RUNX2: variants seen among roughly 807,000 people sequenced by gnomAD.
RUNX2 encodes the protein runt-related transcription factor 2.
Under a neutral mutation model 51.7 loss-of-function variants are expected in RUNX2, and 10 were observed. The observed-to-expected ratio is 0.19, with a 90% CI of 0.12 to 0.33. The LOEUF (loss-of-function observed/expected upper bound fraction) is 0.33, where lower values mean the gene tolerates loss of function less well. Among genes scored for constraint, RUNX2 ranks in the 10% least tolerant of loss-of-function variants. RUNX2 has a pLI of 1.00. For synonymous variants in RUNX2, 276 were observed against 273.6 expected, an observed-to-expected ratio of 1.01 and a Z score of -0.09; for missense variants, 562 against 691.3, an observed-to-expected ratio of 0.81 and a Z score of 2.10.
chr6:45,497,145 A>T (rs1422384805), intron 6 of RUNX2, among the ~76,000 whole-genome samples: 1 of 152,180 alleles, frequency 6.6e-6, no homozygotes, highest in Non-Finnish European at 1.5e-5. Flanking sequence ...CTTTGCAGAC[A>T]CCCAAGGGGC....
chr6:45,487,967 T>C (rs1800333222), intron 5 of RUNX2, among the ~76,000 whole-genome samples: 1 of 152,140 alleles, frequency 6.6e-6, no homozygotes, highest in African/African-American at 2.4e-5. Flanking sequence ...AGGCCTCTCA[T>C]AGGAGGTGGT....
intron 2 of RUNX2, among the ~76,000 whole-genome samples, chr6:45,355,096 T>C (rs1370945320): frequency 6.7e-6 from 1 of 149,830 alleles, no homozygotes; most frequent in Non-Finnish European, 1.5e-5. Context: ...CACCTCAGCC[T>C]CCCAAGCATC....
At chr6:45,460,390 C>G (rs1446386774) in intron 5 of RUNX2, among the ~76,000 whole-genome samples, 1 of 152,092 alleles carries the variant, frequency 6.6e-6, no homozygotes, top group East Asian at 1.9e-4. Context: ...GTGTGGAAGG[C>G]ATTGATGATC....
In RUNX2 at chr6:45,546,864, G is replaced by T. The variant is rs1802414888; in HGVS notation, c.1125G>T (p.Gln375His). The change falls in exon 9 of 9, where the codon CAG becomes CAT. Residue 375 changes from glutamine (Q) to histidine (H), a missense_variant. Gln to His is a conservative substitution (Grantham distance 24). Transcript: ENST00000647337. ...SELGPFSDPR[Q>H]FPSISSLTES... ...TGGGCCCTTTTTCAGACCCCAGGCA[G>T]TTCCCAAGCATTTCATCCCTCACTG... is the stretch of plus-strand genomic sequence containing the variant. The T allele has an allele frequency of 6.2e-7, 1 of 1,613,788 alleles. No individual in the cohort carries two copies. The highest frequency in any genetic ancestry group is 8.5e-7 in the Non-Finnish European group (1 of 1,179,992).
At chr6:45,514,839 A>G (rs1379142718) in intron 7 of RUNX2, among the ~76,000 whole-genome samples, 4 of 151,982 alleles carry the variant, frequency 2.6e-5, no homozygotes, top group Non-Finnish European at 4.4e-5. Flanking sequence ...GACAATTTAT[A>G]TCTTATGATT....
Position 45,422,632 on chromosome 6 carries a change from G to T in RUNX2, c.98G>T (p.Ser33Ile), listed in dbSNP as rs1798234750. ...CGGCGCTTCAGCCCCCCCTCCAGCA[G>T]CCTGCAGCCCGGCAAAATGAGCGAC... The part of the protein sequence containing the change: ...TSRRFSPPSS[S>I]LQPGKMSDVS... The change falls in exon 3 of 9, where the codon AGC becomes ATC. Residue 33 changes from serine to isoleucine, a missense_variant. Ser to Ile is a moderately radical substitution (Grantham distance 142, BLOSUM62 -2). Coordinates refer to ENST00000647337, the MANE Select transcript of RUNX2 (RefSeq NM_001024630.4). The T allele has an allele frequency of 1.2e-6, 2 of 1,606,184 alleles. No homozygotes were observed. Among genetic ancestry groups the T allele is most frequent in the South Asian group, 2.2e-5 (2 of 89,834 alleles).
At chr6:45,367,894 A>C (rs141217829) in intron 2 of RUNX2, among the ~76,000 whole-genome samples, 1 of 152,178 alleles carries the variant, frequency 6.6e-6, no homozygotes, top group Non-Finnish European at 1.5e-5. Flanking sequence ...TGATGAGCTG[A>C]TAGGTCATTA....
chr6:45,368,007 T>C (rs970803174), intron 2 of RUNX2, among the ~76,000 whole-genome samples: 4 of 152,204 alleles, frequency 2.6e-5, no homozygotes, highest in African/African-American at 7.2e-5. Flanking sequence ...ATCATTCCAA[T>C]GCTCTATTTC....
chr6:45,514,288 G>A (rs1489118792), intron 7 of RUNX2, among the ~76,000 whole-genome samples: 22 of 152,106 alleles, frequency 1.4e-4, no homozygotes, highest in Admixed American at 1.4e-3. Flanking sequence ...CATGTGTAAC[G>A]GAAAACAGCC....
intron 2 of RUNX2, among the ~76,000 whole-genome samples, chr6:45,402,028 T>C (rs746775104): frequency 6.6e-6 from 1 of 152,260 alleles, no homozygotes; most frequent in Non-Finnish European, 1.5e-5. Flanking sequence ...TATTATACTG[T>C]GAGTAATGGA....
At chr6:45,343,292 G>T (rs780380670) in intron 2 of RUNX2, among the ~76,000 whole-genome samples, 1 of 152,056 alleles carries the variant, frequency 6.6e-6, no homozygotes, top group Admixed American at 6.6e-5. Flanking sequence ...GGCAGACCAA[G>T]AAGATCAAGA....
intron 2 of RUNX2, among the ~76,000 whole-genome samples, chr6:45,409,428 C>A (rs188558708): frequency 2.0e-5 from 3 of 152,192 alleles, no homozygotes; most frequent in African/African-American, 7.2e-5. Context: ...TGGAGCTGTA[C>A]TCTTTTGCCT....
In RUNX2 at chr6:45,517,561, C is replaced by T. The variant is rs72864621; in HGVS notation, c.1021+5154C>T. Among the ~76,000 whole-genome samples the T allele has an allele frequency of 5.0e-3, 761 of 152,152 alleles. 4 individuals are homozygous for T. The highest frequency in any genetic ancestry group is 8.9e-3 in the Non-Finnish European group (606 of 67,996). On this transcript the variant is annotated intron_variant, in intron 7 of 8. Transcript: ENST00000647337. ...GTTGTTAACATAGGACAGAGTTAAT[C>T]TTTCTGTAAGGTTATTTTTTTCTTC...
intron 3 of RUNX2, among the ~76,000 whole-genome samples, chr6:45,428,938 G>A (rs1361886174): frequency 6.7e-6 from 1 of 149,294 alleles, no homozygotes; most frequent in Non-Finnish European, 1.5e-5. Flanking sequence ...CTCAGAACAT[G>A]AAGTGAGGAA....
At chr6:45,502,425 G>C (rs557227606) in intron 6 of RUNX2, among the ~76,000 whole-genome samples, 3 of 152,126 alleles carry the variant, frequency 2.0e-5, no homozygotes, top group African/African-American at 7.2e-5. Flanking sequence ...CACCTGGGGA[G>C]CTTGTTAAAC....
chr6:45,451,432 C>A (rs1799168478), intron 5 of RUNX2, among the ~76,000 whole-genome samples: 1 of 152,202 alleles, frequency 6.6e-6, no homozygotes, highest in Non-Finnish European at 1.5e-5. Flanking sequence ...GAGAAGCAAT[C>A]CCGAAGGTGA....
chr6:45,484,592 G>A (rs1800212608), intron 5 of RUNX2, among the ~76,000 whole-genome samples: 1 of 152,136 alleles, frequency 6.6e-6, no homozygotes, highest in African/African-American at 2.4e-5. Context: ...TAAAGTATGT[G>A]GATGAGAACT....
intron 2 of RUNX2, among the ~76,000 whole-genome samples, chr6:45,360,203 G>A (rs1401688535): frequency 1.3e-5 from 2 of 152,166 alleles, no homozygotes; most frequent in African/African-American, 4.8e-5. Context: ...AATATTTGGT[G>A]AGTTACTCAA....
In RUNX2 at chr6:45,453,769, TC is replaced by T. The variant is rs142304135; in HGVS notation, c.685+15722del. ...GTGCTTTGATCATGTCTCAGGAGAT[TC>T]CCCACATTGACTCTCTTTGGGTATT... On this transcript the variant is annotated intron_variant, in intron 5 of 8. Transcript: ENST00000647337. Among the ~76,000 whole-genome samples, 962 of 152,224 alleles carry T rather than the reference TC, an allele frequency of 6.3e-3. 9 individuals carry two copies. The highest frequency in any genetic ancestry group is 0.022 in the African/African-American group (901 of 41,516).
Sources: gnomAD v4.1 joint callset for allele counts (sites outside exome capture counted in the v4.1 genomes callset) on GRCh38, gnomAD v4.1.1 for gene constraint, MANE v1.5 for transcripts, NCBI Gene and HGNC (gene_info 2026-07-23, HGNC 2026-07-21) for gene names.